Variants in ZNG1B observed in about 807,000 individuals in gnomAD.
ZNG1B encodes zinc-regulated GTPase metalloprotein activator 1B.
chr2:113,448,097 C>T, the ZNG1B span, among the ~76,000 whole-genome samples: 2 of 152,202 alleles, frequency 1.3e-5, no homozygotes, highest in Non-Finnish European at 2.9e-5. Flanking sequence ...TCAGAGGAAT[C>T]ACTGTCTATG....
At chr2:113,455,979 A>G in the ZNG1B span, among the ~76,000 whole-genome samples, 50 of 151,432 alleles carry the variant, frequency 3.3e-4, no homozygotes, top group South Asian at 9.9e-3. Context: ...CGGCCTCCCA[A>G]AGTGCTGGGA....
chr2:113,460,851 G>A, the ZNG1B span: 1 of 1,385,796 alleles, frequency 7.2e-7, no homozygotes, highest in African/African-American at 1.5e-5. Context: ...TTTTCCCTTA[G>A]TTGAATTATT....
chr2:113,463,503 AT>A, the ZNG1B span, among the ~76,000 whole-genome samples: 2 of 152,090 alleles, frequency 1.3e-5, no homozygotes, highest in East Asian at 1.9e-4. Context: ...AGAAATTCAT[AT>A]TTTTTCCACA....
the ZNG1B span, chr2:113,438,938 A>G: frequency 2.0e-5 from 31 of 1,534,594 alleles, no homozygotes; most frequent in Non-Finnish European, 2.7e-5. Context: ...TTTTTAAAAA[A>G]CTTTGTAGAC....
At chr2:113,448,624 G>T in the ZNG1B span, among the ~76,000 whole-genome samples, 3 of 151,716 alleles carry the variant, frequency 2.0e-5, no homozygotes, top group Non-Finnish European at 4.4e-5. Context: ...TCTGTTGCTG[G>T]CCGGGCTCGG....
chr2:113,472,820 G>T, the ZNG1B span, among the ~76,000 whole-genome samples: 116 of 151,840 alleles, frequency 7.6e-4, 1 homozygote, highest in African/African-American at 2.8e-3. Context: ...ATTTCTGAGG[G>T]CTCTGTTCTG....
the ZNG1B span, among the ~76,000 whole-genome samples, chr2:113,450,189 GTTC>G: frequency 2.7e-5 from 4 of 148,086 alleles, no homozygotes; most frequent in Non-Finnish European, 4.5e-5. Context: ...TATGCCCTTA[GTTC>G]TTCTAAGAAC....
the ZNG1B span, chr2:113,462,356 A>T: frequency 1.3e-6 from 2 of 1,530,042 alleles, no homozygotes; most frequent in South Asian, 2.3e-5. Context: ...ATTAATCTGC[A>T]TGCGTGTATA....
chr2:113,485,914 C>T, the ZNG1B span, among the ~76,000 whole-genome samples: 1 of 151,668 alleles, frequency 6.6e-6, no homozygotes, highest in Admixed American at 6.6e-5. Flanking sequence ...GACAATTCCT[C>T]ATTTTGCTTT....
the ZNG1B span, among the ~76,000 whole-genome samples, chr2:113,443,415 T>G: frequency 6.6e-6 from 1 of 151,834 alleles, no homozygotes; most frequent in African/African-American, 2.4e-5. Flanking sequence ...AAATCCAGTA[T>G]ATAAAACATA....
At chr2:113,456,224 A>G in the ZNG1B span, among the ~76,000 whole-genome samples, 24 of 152,178 alleles carry the variant, frequency 1.6e-4, no homozygotes. Flanking sequence ...ATTTATGAAT[A>G]TAATTTAAGA....
the ZNG1B span, among the ~76,000 whole-genome samples, chr2:113,439,526 G>C: frequency 6.6e-6 from 1 of 152,096 alleles, no homozygotes; most frequent in Non-Finnish European, 1.5e-5. Context: ...TTGCATGTTA[G>C]CCTTAATGAT....
chr2:113,473,278 C>T, the ZNG1B span, among the ~76,000 whole-genome samples: 2 of 147,862 alleles, frequency 1.4e-5, no homozygotes, highest in African/African-American at 5.0e-5. Flanking sequence ...CATGATTTGG[C>T]TCTCTGTTTG....
chr2:113,477,730 C>A, the ZNG1B span, among the ~76,000 whole-genome samples: 1 of 152,194 alleles, frequency 6.6e-6, no homozygotes, highest in Non-Finnish European at 1.5e-5. Flanking sequence ...TACAGTATTG[C>A]TAACTATAGG....
the ZNG1B span, among the ~76,000 whole-genome samples, chr2:113,483,115 ACAAAAAACCCAGTTCTT>A: frequency 6.6e-6 from 1 of 152,294 alleles, no homozygotes; most frequent in South Asian, 2.1e-4. Flanking sequence ...TGGTAAAAAA[ACAAAAAACCCAGTTCTT>A]CATGATAGTC....
the ZNG1B span, among the ~76,000 whole-genome samples, chr2:113,441,005 A>C: frequency 6.7e-5 from 10 of 149,064 alleles, no homozygotes; most frequent in Non-Finnish European, 1.0e-4. Context: ...AGCATACTAT[A>C]AGTAGCCATA....
At chr2:113,467,093 G>A in the ZNG1B span, among the ~76,000 whole-genome samples, 6 of 150,398 alleles carry the variant, frequency 4.0e-5, no homozygotes, top group East Asian at 1.9e-4. Context: ...CAAAAAAACC[G>A]GAGATTTGGT....
chr2:113,452,244 G>C, the ZNG1B span, among the ~76,000 whole-genome samples: 1 of 152,134 alleles, frequency 6.6e-6, no homozygotes, highest in South Asian at 2.1e-4. Context: ...GCTATATCTT[G>C]CATGAGTAAT....
the ZNG1B span, among the ~76,000 whole-genome samples, chr2:113,473,916 A>G: frequency 7.1e-6 from 1 of 140,848 alleles, no homozygotes; most frequent in Non-Finnish European, 1.5e-5. Context: ...TTTTTGCATC[A>G]ATGTTCATCA....
Sources: gnomAD v4.1 joint callset for allele counts (sites outside exome capture counted in the v4.1 genomes callset) on GRCh38, gnomAD v4.1.1 for gene constraint, MANE v1.5 for transcripts, NCBI Gene and HGNC (gene_info 2026-07-23, HGNC 2026-07-21) for gene names.